The following ZDHHC20 variants were observed in gnomAD, a reference collection of about 807,000 sequenced individuals.
The protein encoded by ZDHHC20 is palmitoyltransferase ZDHHC20.
A neutral mutation model predicts 57.8 loss-of-function variants in ZDHHC20; 43 were observed. That is an observed-to-expected ratio of 0.74 (90% CI 0.58 to 0.96). ZDHHC20 has a LOEUF of 0.96. Ranked by LOEUF, ZDHHC20 falls within the 40% of genes least tolerant of loss-of-function variation. The pLI is 0.00. For missense variants in ZDHHC20, 391 were observed against 441.1 expected (o/e 0.89, Z 1.02); for synonymous variants, 157 against 153.0 (o/e 1.03, Z -0.19).
At chr13:21,443,674 G>A (rs1241559165) in intron 1 of ZDHHC20, among the ~76,000 whole-genome samples, 1 of 152,202 alleles carries the variant, frequency 6.6e-6, no homozygotes, top group African/African-American at 2.4e-5. Flanking sequence ...TAGAGTTATT[G>A]TAAAGATCAA....
At chr13:21,386,785 G>C (rs1209734928) in intron 9 of ZDHHC20, among the ~76,000 whole-genome samples, 1 of 152,168 alleles carries the variant, frequency 6.6e-6, no homozygotes, top group Non-Finnish European at 1.5e-5. Context: ...CTGGCCCCAA[G>C]TGATTCACCT....
In ZDHHC20 at chr13:21,400,433, G is replaced by C; in HGVS notation, c.534C>G (p.Ser178=). The change falls in exon 7 of 13, where the codon TCC becomes TCG. Residue 178 remains serine, a synonymous_variant. Coordinates refer to ENST00000400590, the MANE Select transcript of ZDHHC20 (RefSeq NM_001330059.2). ...YKFFLLFLLY[S]LLYCLFVAAT... ...CAGCCACGAAAAGGCAATATAATAG[G>C]GAATACAATAAAAACAGCAGGAAGA... 2.5e-6 allele frequency: 4 copies of C among 1,599,934 alleles called. No individual in the cohort carries two copies. The highest frequency in any genetic ancestry group is 3.4e-6 in the Non-Finnish European group (4 of 1,174,186).
intron 6 of ZDHHC20, among the ~76,000 whole-genome samples, chr13:21,400,831 C>A (rs1183890066): frequency 6.6e-6 from 1 of 152,074 alleles, no homozygotes; most frequent in Non-Finnish European, 1.5e-5. Flanking sequence ...CTGCCTCAGA[C>A]TCCCAAGTAG....
At chr13:21,418,512 T>C (rs191951636) in intron 3 of ZDHHC20, among the ~76,000 whole-genome samples, 2 of 152,304 alleles carry the variant, frequency 1.3e-5, no homozygotes, top group Admixed American at 6.5e-5. Flanking sequence ...TTTGCTCAAT[T>C]ATTATAGCTA....
At chr13:21,395,948 T>C (rs1362218684) in intron 7 of ZDHHC20, among the ~76,000 whole-genome samples, 1 of 152,044 alleles carries the variant, frequency 6.6e-6, no homozygotes, top group East Asian at 1.9e-4. Context: ...AACTAAACAA[T>C]CCAGATCCCA....
chr13:21,405,145 T>A (rs926998060), intron 4 of ZDHHC20, among the ~76,000 whole-genome samples: 2 of 152,104 alleles, frequency 1.3e-5, no homozygotes, highest in South Asian at 2.1e-4. Context: ...TTTTTTTTTT[T>A]AAATAATGGA....
chr13:21,381,938 G>A lies in ZDHHC20; in HGVS notation c.945-389C>T, dbSNP rs763443929. On this transcript the variant is annotated intron_variant, in intron 10 of 12. Coordinates refer to ENST00000400590, the MANE Select transcript of ZDHHC20 (RefSeq NM_001330059.2). ...AAGTTTTCTGCTTTCTACCTCTGCA[G>A]TTTAGATCTAAGGGGAAAAAATGAT... 1.5e-5 allele frequency: 8 copies of A among 525,046 alleles called. 1 individual carries two copies. Among genetic ancestry groups the A allele is most frequent in the Non-Finnish European group, 2.3e-5 (6 of 264,596 alleles). 32.5% of individuals were successfully genotyped at this position (525,046 alleles called of 1,614,324 possible).
chr13:21,381,347 T>C, intron 11 of ZDHHC20, 87 bp downstream of exon 11: 1 of 1,079,434 alleles, frequency 9.3e-7, no homozygotes, highest in African/African-American at 1.6e-5. Flanking sequence ...TTTAAAATGT[T>C]ACATTATTTT....
At position 21,453,286 on chromosome 13, in the gene ZDHHC20, T is replaced by C. The variant is rs1208788794; in HGVS notation, c.118+5768A>G. Among the ~76,000 whole-genome samples, 3 of 152,358 alleles carry C rather than the reference T, an allele frequency of 2.0e-5. No individual in the cohort carries two copies. In the East Asian group the frequency reaches 5.8e-4, roughly 29 times the overall value. On this transcript the variant is annotated intron_variant, in intron 1 of 12. Transcript: ENST00000400590. Reference sequence around the variant, plus strand: ...GGATATTGCAATCCTAAATGTTTTATGCACCTAATTACACAGATGTAAAAT... The same window carrying C: ...GGATATTGCAATCCTAAATGTTTTACGCACCTAATTACACAGATGTAAAAT...
chr13:21,432,331 ATTT>A (rs71093309), intron 1 of ZDHHC20, among the ~76,000 whole-genome samples: 2 of 133,184 alleles, frequency 1.5e-5, no homozygotes, highest in Non-Finnish European at 3.2e-5. Context: ...TGTCCCACTA[ATTT>A]TTTTTTTTTT....
At chr13:21,452,004 A>C (rs1010306617) in intron 1 of ZDHHC20, among the ~76,000 whole-genome samples, 3 of 152,148 alleles carry the variant, frequency 2.0e-5, no homozygotes, top group African/African-American at 7.2e-5. Flanking sequence ...CCAAAAAAAA[A>C]ACAAAAAAAC....
At chr13:21,459,023 C>CCCGCGG in intron 1 of ZDHHC20, 31 bp downstream of exon 1, 6 of 1,546,522 alleles carry the variant, frequency 3.9e-6, no homozygotes, top group Non-Finnish European at 4.4e-6. Flanking sequence ...GCGGCCCGCG[C>CCCGCGG]CCCGCCGCAG....
chr13:21,391,451 C>A (rs1232849780), intron 8 of ZDHHC20, among the ~76,000 whole-genome samples: 1 of 152,144 alleles, frequency 6.6e-6, no homozygotes, highest in African/African-American at 2.4e-5. Context: ...TTGTTCCCAT[C>A]CAGTCACAAT....
At chr13:21,433,331 A>G (rs538482933) in intron 1 of ZDHHC20, among the ~76,000 whole-genome samples, 90 of 152,214 alleles carry the variant, frequency 5.9e-4, no homozygotes, top group Non-Finnish European at 1.1e-3. Context: ...AAAATACTCA[A>G]ACAAGGCCAG....
intron 2 of ZDHHC20, among the ~76,000 whole-genome samples, chr13:21,422,331 A>T (rs181309857): frequency 1.1e-4 from 16 of 151,954 alleles, no homozygotes; most frequent in Middle Eastern, 3.4e-3. Context: ...ACATGTATTC[A>T]GTTTGAAGTA....
chr13:21,414,078 T>C (rs970337152), intron 3 of ZDHHC20, among the ~76,000 whole-genome samples: 2 of 152,166 alleles, frequency 1.3e-5, no homozygotes, highest in African/African-American at 4.8e-5. Context: ...TCTCCATTAG[T>C]AAAAATTTTA....
At chr13:21,388,832 G>C (rs1434960859) in intron 8 of ZDHHC20, among the ~76,000 whole-genome samples, 1 of 152,148 alleles carries the variant, frequency 6.6e-6, no homozygotes, top group Non-Finnish European at 1.5e-5. Context: ...CCATGAATTA[G>C]CAAAGGAATA....
At chr13:21,433,574 T>A (rs1882227989) in intron 1 of ZDHHC20, among the ~76,000 whole-genome samples, 2 of 127,260 alleles carry the variant, frequency 1.6e-5, no homozygotes, top group Non-Finnish European at 3.1e-5. Flanking sequence ...CCGAGATCAC[T>A]CCACTGCACT....
intron 4 of ZDHHC20, among the ~76,000 whole-genome samples, chr13:21,405,401 C>T (rs1482692940): frequency 6.6e-6 from 1 of 152,064 alleles, no homozygotes; most frequent in African/African-American, 2.4e-5. Context: ...TTCCCTCTAG[C>T]ACATTAGGGA....
Sources: allele counts gnomAD v4.1 joint callset (sites outside exome capture counted in the v4.1 genomes callset), GRCh38; gene constraint gnomAD v4.1.1; transcripts MANE v1.5; gene names NCBI Gene and HGNC (gene_info 2026-07-23, HGNC 2026-07-21).